The following AVEN variants were observed in gnomAD, a reference collection of about 807,000 sequenced individuals.
AVEN encodes the protein apoptosis and caspase activation inhibitor, also known as cell death regulator Aven.
In AVEN, 41 loss-of-function variants were observed where a neutral mutation model predicts 38.1. The observed-to-expected ratio is 1.08, with a 90% confidence interval of 0.84 to 1.40. AVEN has a LOEUF of 1.40. AVEN is among the 40% of genes most tolerant of loss of function. AVEN has a pLI of 0.00. For synonymous variants in AVEN, 206 were observed against 171.8 expected, an observed-to-expected ratio of 1.20 and a Z score of -1.56; for missense variants, 605 against 438.8, an observed-to-expected ratio of 1.38 and a Z score of -3.38.
At chr15:33,907,245 C>T (rs1272405147) in intron 2 of AVEN, among the ~76,000 whole-genome samples, 1 of 152,190 alleles carries the variant, frequency 6.6e-6, no homozygotes, top group Non-Finnish European at 1.5e-5. Context: ...CCTCTCCTTA[C>T]AGCCGAGACC....
At chr15:33,855,061 G>C, downstream of AVEN, 1 of 752,206 alleles carries the variant, frequency 1.3e-6, no homozygotes, top group Non-Finnish European at 1.9e-6. Flanking sequence ...AATGGTGATT[G>C]TTTTTGCAAA....
downstream of AVEN, chr15:33,858,556 T>C (rs1567346461): frequency 5.1e-5 from 2 of 39,562 alleles, no homozygotes; most frequent in Non-Finnish European, 2.7e-4. Flanking sequence ...TTCATGGAAG[T>C]TGAGCTTTGA....
intron 1 of AVEN, among the ~76,000 whole-genome samples, chr15:34,025,609 A>G (rs1898420995): frequency 6.6e-6 from 1 of 152,228 alleles, no homozygotes; most frequent in African/African-American, 2.4e-5. Flanking sequence ...CCTGATTTTG[A>G]TAATTGTGCA....
chr15:34,038,856 C>T lies in AVEN; in HGVS notation c.191G>A (p.Gly64Glu), dbSNP rs1002922620. 6.0e-6 allele frequency: 7 copies of T among 1,157,894 alleles called. No homozygotes were observed. In the African/African-American group the frequency reaches 1.2e-4, roughly 19 times the overall value. 71.7% of individuals were successfully genotyped at this position (1,157,894 alleles called of 1,614,324 possible). A position where few individuals can be genotyped will look rare whatever the true frequency, so the allele number is the denominator to read the frequency against. Residue 64 changes from glycine to glutamate, a missense_variant, in exon 1 of 6, where the codon GGA (glycine) becomes GAA (glutamate). Transcript: ENST00000306730. ...CGGGGCGCCTCCTCCTCCTCGGCCT[C>T]CGCGAGCGCCGCGGAAGCCCCGGCC... Reference protein sequence around the residue: ...GRGRGFRGARGGRGGGGAPRG... With the variant: ...GRGRGFRGAREGRGGGGAPRG...
chr15:33,862,476 G>C (rs1283496905), downstream of AVEN, among the ~76,000 whole-genome samples: 1 of 152,184 alleles, frequency 6.6e-6, no homozygotes, highest in South Asian at 2.1e-4. Context: ...CAGAGTGCTG[G>C]GATTACGGGT....
intron 2 of AVEN, among the ~76,000 whole-genome samples, chr15:33,886,118 G>A (rs902168680): frequency 3.3e-5 from 5 of 152,164 alleles, no homozygotes; most frequent in Admixed American, 1.3e-4. Context: ...TGTATATCAC[G>A]GCCCAAACAA....
intron 1 of AVEN, among the ~76,000 whole-genome samples, chr15:34,031,367 G>A (rs1269923383): frequency 6.6e-6 from 1 of 151,718 alleles, no homozygotes; most frequent in Admixed American, 6.6e-5. Context: ...TAGCGACAGG[G>A]TTTCATCATG....
chr15:33,880,479 G>C (rs1891438352), intron 2 of AVEN, among the ~76,000 whole-genome samples: 1 of 152,142 alleles, frequency 6.6e-6, no homozygotes, highest in African/African-American at 2.4e-5. Flanking sequence ...GGAAAACCAA[G>C]GCTTTCAGGC....
At chr15:34,059,935 TTA>T (rs1300487885) in intron 5 of AVEN, among the ~76,000 whole-genome samples, 2 of 152,186 alleles carry the variant, frequency 1.3e-5, no homozygotes, top group Admixed American at 6.5e-5. Context: ...ATCGCCAGCA[TTA>T]GAGTCTGTTC....
chr15:34,062,146 C>A (rs1221936290), intron 5 of AVEN, among the ~76,000 whole-genome samples: 1 of 152,134 alleles, frequency 6.6e-6, no homozygotes, highest in East Asian at 1.9e-4. Flanking sequence ...GGGCACTCAG[C>A]CATAGGTAAC....
chr15:34,020,035 G>A (rs1466731814), intron 1 of AVEN, among the ~76,000 whole-genome samples: 2 of 152,144 alleles, frequency 1.3e-5, no homozygotes, highest in Non-Finnish European at 2.9e-5. Flanking sequence ...TTTTAGGCTG[G>A]GCGCAGTGGT....
At chr15:33,856,667 T>G (rs1365749686), downstream of AVEN, 1 of 156,794 alleles carries the variant, frequency 6.4e-6, no homozygotes, top group Non-Finnish European at 1.4e-5. Context: ...TGTTTGTTTG[T>G]TTGTTTTTTT....
chr15:33,856,312 C>A (rs2079652682), downstream of AVEN: 1 of 152,298 alleles, frequency 6.6e-6, no homozygotes, highest in African/African-American at 2.4e-5. Flanking sequence ...TTCACACTTA[C>A]CCACTCCCTT....
chr15:33,857,701 T>TTTTCTTAGAGTCTCCTGTGAACC, downstream of AVEN: 1 of 1,562,398 alleles, frequency 6.4e-7, no homozygotes, highest in African/African-American at 1.4e-5. Flanking sequence ...TTCCTCCTCG[T>TTTTCTTAGAGTCTCCTGTGAACC]TTTCTTAGAG....
intron 2 of AVEN, among the ~76,000 whole-genome samples, chr15:33,973,607 C>T (rs1895733271): frequency 6.6e-6 from 1 of 152,182 alleles, no homozygotes; most frequent in South Asian, 2.1e-4. Context: ...TCTGGGAGGC[C>T]AAAGCTGGAG....
At chr15:33,965,514 T>A (rs747765645) in intron 2 of AVEN, among the ~76,000 whole-genome samples, 1 of 152,164 alleles carries the variant, frequency 6.6e-6, no homozygotes. Context: ...ACTCTAGGTA[T>A]GGACCAAATG....
chr15:33,983,169 TGTATATATACACAC>T (rs1185452963), intron 2 of AVEN, among the ~76,000 whole-genome samples: 2 of 110,490 alleles, frequency 1.8e-5, no homozygotes, highest in African/African-American at 9.4e-5. Context: ...TATGTGTGTG[TGTATATATACACAC>T]GTGTGTGTAT....
rs1350317006 is a variant in AVEN at position 34,039,179 on chromosome 15, G to C, written c.-133C>G. ...GGTAGCAGCGAGGCGCGGGGTGCGG[G>C]GCTAGGGATCGAGGCCGGCCGCAGC... On this transcript the variant is annotated 5_prime_UTR_variant, in exon 1 of 6. Coordinates refer to ENST00000306730, the MANE Select transcript of AVEN (RefSeq NM_020371.3). 6.3e-6 allele frequency: 5 copies of C among 793,380 alleles called. No individual in the cohort carries two copies. In the African/African-American group the frequency reaches 9.4e-5, roughly 15 times the overall value. 49.1% of individuals were successfully genotyped at this position (793,380 alleles called of 1,614,324 possible). A position where few individuals can be genotyped will look rare whatever the true frequency, so the allele number is the denominator to read the frequency against.
chr15:33,922,665 C>T (rs1183734380), intron 2 of AVEN, among the ~76,000 whole-genome samples: 2 of 152,088 alleles, frequency 1.3e-5, no homozygotes, highest in Non-Finnish European at 2.9e-5. Context: ...CTCCTGGCTT[C>T]AGATCCTCCC....
Sources: allele counts gnomAD v4.1 joint callset (sites outside exome capture counted in the v4.1 genomes callset), GRCh38; gene constraint gnomAD v4.1.1; transcripts MANE v1.5; gene names NCBI Gene and HGNC (gene_info 2026-07-23, HGNC 2026-07-21).